Variants in ZFYVE21 observed in about 807,000 individuals in gnomAD.
The protein encoded by ZFYVE21 is zinc finger FYVE-type containing 21.
Under a neutral mutation model 29.5 loss-of-function variants are expected in ZFYVE21, and 21 were observed. That is an observed-to-expected ratio of 0.71 (90% CI 0.50 to 1.02). The LOEUF is 1.02. Ranked by LOEUF, ZFYVE21 falls within the 50% of genes least tolerant of loss-of-function variation. The pLI, the probability that ZFYVE21 is intolerant of heterozygous loss-of-function variation, is 0.00. For missense variants in ZFYVE21, 326 were observed against 335.4 expected (o/e 0.97, Z 0.22); for synonymous variants, 151 against 133.8 (o/e 1.13, Z -0.89).
chr14:103,720,074 T>G (rs1169926429), intron 1 of ZFYVE21, among the ~76,000 whole-genome samples: 4 of 152,144 alleles, frequency 2.6e-5, no homozygotes, highest in Admixed American at 1.3e-4. Context: ...GTCCCTGAGA[T>G]GCAAGTAGAT....
At chr14:103,726,584 G>T (rs2151952131) in intron 1 of ZFYVE21, 1 of 628,928 alleles carries the variant, frequency 1.6e-6, no homozygotes. Context: ...CCGCAGGCCT[G>T]GGAGCAGCCT....
chr14:103,728,740 A>T, intron 3 of ZFYVE21, 168 bp from the exon 4 acceptor site: 2 of 651,034 alleles, frequency 3.1e-6, no homozygotes, highest in South Asian at 1.9e-5. Context: ...CCCTTGATCC[A>T]TGACTGCCTT....
intron 2 of ZFYVE21, chr14:103,727,382 T>A: frequency 1.9e-5 from 1 of 52,302 alleles, no homozygotes; most frequent in Non-Finnish European, 3.7e-5. Context: ...CTCTGCCCCC[T>A]CCGCCCCGTC....
intron 2 of ZFYVE21, 45 bp downstream of exon 2, chr14:103,726,887 G>A (rs760203859): frequency 2.5e-6 from 4 of 1,607,472 alleles, no homozygotes; most frequent in Non-Finnish European, 3.4e-6. Context: ...GAGGGGAGGG[G>A]CCCCAACAGG....
At chr14:103,732,154 CTG>C (rs1052820082) in intron 5 of ZFYVE21, 6 of 150,804 alleles carry the variant, frequency 4.0e-5, no homozygotes, top group African/African-American at 1.5e-4. Context: ...GTGAGGCCAG[CTG>C]TGTCCCTGAC....
Position 103,727,644 on chromosome 14 carries a change from G to A in ZFYVE21, c.190-102G>A, listed in dbSNP as rs762687797. ...GTGCAGCGGCCGGCACAGGGGCCTCGCGTTTAGGCGTGGCCCGGGGAGTGC... is the reference window on the plus strand; with the variant it reads ...GTGCAGCGGCCGGCACAGGGGCCTCACGTTTAGGCGTGGCCCGGGGAGTGC... On this transcript the variant is annotated intron_variant, in intron 2 of 6. Transcript: ENST00000311141. 1.6e-5 allele frequency: 24 copies of A among 1,487,290 alleles called. No individual in the cohort carries two copies. The African/African-American group carries it at 2.4e-4, about 15-fold the overall frequency. The allele number at this position is 1,487,290 out of a possible 1,614,324, so 92.1% of individuals were successfully genotyped here. A position where few individuals can be genotyped will look rare whatever the true frequency, so the allele number is the denominator to read the frequency against.
Position 103,732,362 on chromosome 14 carries a change from CTTG to C in ZFYVE21, c.527-252_527-250del, listed in dbSNP as rs879474336. ...CAAGGCCTCTCGTGGTGATGTGGCTCTTGTTGTTTGTCCCGGGCCCTGGGGCAC... is the reference window on the plus strand; with the variant it reads ...CAAGGCCTCTCGTGGTGATGTGGCTCTTGTTTGTCCCGGGCCCTGGGGCAC... On this transcript the variant is annotated intron_variant, in intron 5 of 6. Transcript: ENST00000311141. 1.8e-4 allele frequency: 68 copies of C among 371,496 alleles called. No homozygotes were observed. The Admixed American group carries it at 2.6e-3, about 14-fold the overall frequency. The allele number at this position is 371,496 out of a possible 1,614,324, so 23.0% of individuals were successfully genotyped here.
At chr14:103,725,174 G>T (rs1392856616) in intron 1 of ZFYVE21, 1 of 152,294 alleles carries the variant, frequency 6.6e-6, no homozygotes, top group Admixed American at 6.5e-5. Context: ...TGCTGCGCTC[G>T]TGCCGGCGTC....
intron 1 of ZFYVE21, among the ~76,000 whole-genome samples, chr14:103,722,830 C>T (rs1324582468): frequency 6.6e-6 from 1 of 151,672 alleles, no homozygotes; most frequent in Non-Finnish European, 1.5e-5. Context: ...AAAAAATGTT[C>T]GTAGAGACAG....
Position 103,715,925 on chromosome 14 carries a change from C to A in ZFYVE21, c.84C>A (p.Arg28=). ...PSGLRMVPEH[R]AFGSPFGLEE... is the part of the protein sequence containing the mutation. ...GCCTGCGCATGGTGCCCGAACACCG[C>A]GCCTTCGGAAGCCCGTTCGGCCTGG... Residue 28 remains arginine (R), a synonymous_variant, in exon 1 of 7, where the codon CGC becomes CGA. Coordinates refer to ENST00000311141, the MANE Select transcript of ZFYVE21 (RefSeq NM_024071.4). 1 of 1,432,626 alleles carries A rather than the reference C, an allele frequency of 7.0e-7. No homozygotes were observed. The highest frequency in any genetic ancestry group is 3.2e-5 in the East Asian group (1 of 31,198). 88.7% of individuals were successfully genotyped at this position (1,432,626 alleles called of 1,614,324 possible).
intron 1 of ZFYVE21, among the ~76,000 whole-genome samples, chr14:103,722,130 G>T (rs1226644388): frequency 2.6e-5 from 4 of 152,328 alleles, no homozygotes; most frequent in African/African-American, 4.8e-5. Context: ...TACTGGCGGG[G>T]TAGGTATTTG....
chr14:103,727,957 C>T (rs756373974), intron 3 of ZFYVE21, 43 bp downstream of exon 3: 4 of 1,564,402 alleles, frequency 2.6e-6, no homozygotes, highest in Admixed American at 3.5e-5. Flanking sequence ...CTCCGCCAGC[C>T]GGCTCCTCGT....
intron 1 of ZFYVE21, among the ~76,000 whole-genome samples, chr14:103,720,204 C>G (rs1017563096): frequency 3.3e-5 from 5 of 152,328 alleles, no homozygotes; most frequent in African/African-American, 1.2e-4. Flanking sequence ...CATGTCTGCT[C>G]TTTGGATTCT....
At chr14:103,726,952 T>TTTTTTTTGTTTTG in intron 2 of ZFYVE21, 110 bp downstream of exon 2, 3 of 1,215,002 alleles carry the variant, frequency 2.5e-6, no homozygotes, top group South Asian at 2.7e-5. Context: ...TGGCTCGTTT[T>TTTTTTTTGTTTTG]TTTTTTTTTT....
Position 103,716,843 on chromosome 14 carries a change from C to T in ZFYVE21, c.138+864C>T, listed in dbSNP as rs1219144622. On this transcript the variant is annotated intron_variant, in intron 1 of 6. Transcript: ENST00000311141. The surrounding 1 kb of genome is among the most constrained non-coding windows in gnomAD (Gnocchi z 4.8). ...TGGGAAGGCCCCGAGTGCATTTAAT[C>T]CCACTGGCTGTGCGCTAACAGGTGT... Among the ~76,000 whole-genome samples, 2 of 152,176 alleles carry T rather than the reference C, an allele frequency of 1.3e-5. No individual in the cohort carries two copies. The highest frequency in any genetic ancestry group is 4.8e-5 in the African/African-American group (2 of 41,424).
chr14:103,733,404 A>G lies in ZFYVE21; in HGVS notation c.*386A>G, dbSNP rs900612256. 8 of 196,830 alleles carry G rather than the reference A, an allele frequency of 4.1e-5. No individual in the cohort carries two copies. The South Asian group carries it at 4.5e-4, about 11-fold the overall frequency. 12.2% of individuals were successfully genotyped at this position (196,830 alleles called of 1,614,324 possible). On this transcript the variant is annotated 3_prime_UTR_variant, in exon 7 of 7. Coordinates refer to ENST00000311141, the MANE Select transcript of ZFYVE21 (RefSeq NM_024071.4). Reference sequence around the variant, plus strand: ...CACAGAACCAGTTTGGGCAGTAGGAACTCAGGCTTCTGGTCTGCAGTGGAG... The same window carrying G: ...CACAGAACCAGTTTGGGCAGTAGGAGCTCAGGCTTCTGGTCTGCAGTGGAG...
intron 3 of ZFYVE21, 21 bp from the exon 4 acceptor site, chr14:103,728,887 G>A (rs369464532): frequency 1.6e-5 from 26 of 1,613,620 alleles, no homozygotes; most frequent in African/African-American, 2.7e-5. Context: ...CTGTTCTCAC[G>A]TTTGCTTTTG....
rs2083957566 is a variant in ZFYVE21 at position 103,729,666 on chromosome 14, C to T, written c.526+484C>T. On this transcript the variant is annotated intron_variant, in intron 5 of 6. Transcript: ENST00000311141. The stretch of plus-strand genomic sequence containing the variant: ...CACTAAACTCTGCTGACGGGGAGCT[C>T]GCATCCCGTTATCTGCAAACTGTGC... 4.2e-6 allele frequency: 5 copies of T among 1,194,418 alleles called. 1 individual carries two copies. In the Admixed American group the frequency reaches 6.7e-5, roughly 16 times the overall value. 74.0% of individuals were successfully genotyped at this position (1,194,418 alleles called of 1,614,324 possible).
chr14:103,719,203 A>C (rs2083852819), intron 1 of ZFYVE21, among the ~76,000 whole-genome samples: 1 of 152,146 alleles, frequency 6.6e-6, no homozygotes, highest in African/African-American at 2.4e-5. Context: ...ACTTGAACCC[A>C]GGAAGTGGAG....
Sources: gnomAD v4.1 joint callset for allele counts (sites outside exome capture counted in the v4.1 genomes callset) on GRCh38, gnomAD v4.1.1 for gene constraint, Gnocchi (gnomAD v3.1) non-coding constraint, MANE v1.5 for transcripts, NCBI Gene and HGNC (gene_info 2026-07-23, HGNC 2026-07-21) for gene names.